Variants in LYSMD2 observed in about 807,000 individuals in gnomAD.
LYSMD2 encodes lysM and putative peptidoglycan-binding domain-containing protein 2.
Under a neutral mutation model 17.7 loss-of-function variants are expected in LYSMD2, and 6 were observed. The ratio of observed to expected loss-of-function variants is 0.34; its 90% CI spans 0.19 to 0.67. The LOEUF is 0.67. Ranked by LOEUF, LYSMD2 falls within the 30% of genes least tolerant of loss-of-function variation. LYSMD2 has a pLI of 0.69. For synonymous variants in LYSMD2, 102 were observed against 129.8 expected, an observed-to-expected ratio of 0.79 and a Z score of 1.45; for missense variants, 237 against 286.7, an observed-to-expected ratio of 0.83 and a Z score of 1.25.
intron 1 of LYSMD2, among the ~76,000 whole-genome samples, chr15:51,730,031 T>A (rs1206266141): frequency 6.6e-6 from 1 of 152,214 alleles, no homozygotes. Context: ...AATGCTTTCA[T>A]TTCAAAAGTC....
At position 51,737,342 on chromosome 15, in the gene LYSMD2, C is replaced by T. The variant is rs1173467811; in HGVS notation, c.273+8G>A. 9 of 1,381,968 alleles carry T rather than the reference C, an allele frequency of 6.5e-6. No individual in the cohort carries two copies. Among genetic ancestry groups the T allele is most frequent in the Non-Finnish European group, 7.5e-6 (8 of 1,068,032 alleles). The allele number at this position is 1,381,968 out of a possible 1,614,324, so 85.6% of individuals were successfully genotyped here. On this transcript the variant is annotated splice_region_variant and intron_variant, in intron 1 of 2. Coordinates refer to ENST00000267838, the MANE Select transcript of LYSMD2 (RefSeq NM_153374.3). The surrounding 1 kb of genome is among the most constrained non-coding windows in gnomAD (Gnocchi z 4.2). ...CCAGCCCGGGCCGCGGCGGCGCGCC[C>T]TGCTCACCGTGACACCGTACTTGAG...
chr15:51,751,309 T>G, exon 1 of LYSMD2: 1 of 702,676 alleles, frequency 1.4e-6, no homozygotes, highest in South Asian at 1.5e-5. Flanking sequence ...GTCAGGATGC[T>G]CGCTCACAGG....
chr15:51,728,809 G>A (rs1198140324), intron 1 of LYSMD2, among the ~76,000 whole-genome samples: 1 of 151,886 alleles, frequency 6.6e-6, no homozygotes, highest in African/African-American at 2.4e-5. Flanking sequence ...GGCAGAGGTT[G>A]CAGTAAGCCG....
chr15:51,731,893 C>G (rs564166081), intron 1 of LYSMD2, among the ~76,000 whole-genome samples: 3 of 152,116 alleles, frequency 2.0e-5, no homozygotes, highest in African/African-American at 7.2e-5. Flanking sequence ...ATCTTAATGT[C>G]TCAGTGGAGA....
At chr15:51,737,809 T>A, upstream of LYSMD2, 2 of 367,770 alleles carry the variant, frequency 5.4e-6, no homozygotes, top group Admixed American at 9.7e-5. This position sits in a 1 kb window ranked among gnomAD's most constrained non-coding sequence, Gnocchi z 4.2. Flanking sequence ...CTCTGCGTCC[T>A]GCCTGCCCCG....
At chr15:51,742,856 C>A (rs1198612309) in intron 1 of LYSMD2, among the ~76,000 whole-genome samples, 1 of 152,148 alleles carries the variant, frequency 6.6e-6, no homozygotes, top group Non-Finnish European at 1.5e-5. Context: ...CAACTACTCA[C>A]AAGGCAGAGA....
chr15:51,726,604 A>C (rs931431460), intron 1 of LYSMD2, among the ~76,000 whole-genome samples: 1 of 152,268 alleles, frequency 6.6e-6, no homozygotes, highest in Admixed American at 6.5e-5. Flanking sequence ...TTTCTGCTGG[A>C]AGGAGATAGG....
upstream of LYSMD2, among the ~76,000 whole-genome samples, chr15:51,741,126 C>T (rs1389256000): frequency 6.6e-6 from 1 of 152,166 alleles, no homozygotes; most frequent in Non-Finnish European, 1.5e-5. Flanking sequence ...ACCCTTATAG[C>T]CATGAAGACT....
Position 51,723,473 on chromosome 15 carries a change from G to T in LYSMD2, c.*134C>A, listed in dbSNP as rs1486638273. ...AATCACTTCAGTGCAACTGCAGCAG[G>T]TAGAACTACCTAGTTATGATTTTAA... On this transcript the variant is annotated 3_prime_UTR_variant, in exon 3 of 3. Coordinates refer to ENST00000267838, the MANE Select transcript of LYSMD2 (RefSeq NM_153374.3). 11 of 736,566 alleles carry T rather than the reference G, an allele frequency of 1.5e-5. No individual in the cohort carries two copies. The highest frequency in any genetic ancestry group is 2.2e-5 in the Non-Finnish European group (9 of 414,112). The allele number at this position is 736,566 out of a possible 1,614,324, so 45.6% of individuals were successfully genotyped here. A position where few individuals can be genotyped will look rare whatever the true frequency, so the allele number is the denominator to read the frequency against.
At position 51,737,365 on chromosome 15, in the gene LYSMD2, G is replaced by A; in HGVS notation, c.258C>T (p.Leu86=). Residue 86 remains leucine (L), a synonymous_variant, in exon 1 of 3, where the codon CTC becomes CTT. Coordinates refer to ENST00000267838, the MANE Select transcript of LYSMD2 (RefSeq NM_153374.3). This position sits in a 1 kb window ranked among gnomAD's most constrained non-coding sequence, Gnocchi z 4.2. ...RAGDTLQGIA[L]KYGVTMEQIK... ...CCCTGCTCACCGTGACACCGTACTTGAGCGCGATGCCCTGCAGCGTGTCGC... is the reference window on the plus strand; with the variant it reads ...CCCTGCTCACCGTGACACCGTACTTAAGCGCGATGCCCTGCAGCGTGTCGC... 1 of 1,447,892 alleles carries A rather than the reference G, an allele frequency of 6.9e-7. No individual in the cohort carries two copies. The highest frequency in any genetic ancestry group is 1.3e-5 in the South Asian group (1 of 75,156). 89.7% of individuals were successfully genotyped at this position (1,447,892 alleles called of 1,614,324 possible).
chr15:51,731,481 C>T (rs895788368), intron 1 of LYSMD2, among the ~76,000 whole-genome samples: 2 of 152,212 alleles, frequency 1.3e-5, no homozygotes, highest in Admixed American at 6.5e-5. Context: ...CACCTTTTCT[C>T]AGCAAGGTAA....
upstream of LYSMD2, among the ~76,000 whole-genome samples, chr15:51,741,993 A>G (rs1046881149): frequency 1.3e-5 from 2 of 150,616 alleles, no homozygotes; most frequent in Non-Finnish European, 3.0e-5. Context: ...TTATGCAACT[A>G]TCACCACTAT....
chr15:51,732,936 T>G (rs1423050635), intron 1 of LYSMD2, among the ~76,000 whole-genome samples: 3 of 152,180 alleles, frequency 2.0e-5, no homozygotes, highest in African/African-American at 2.4e-5. Flanking sequence ...GCAGCCAGAG[T>G]GATCGTTTTA....
At chr15:51,742,746 TC>T (rs1250410460) in intron 1 of LYSMD2, among the ~76,000 whole-genome samples, 19 of 152,084 alleles carry the variant, frequency 1.2e-4, no homozygotes, top group African/African-American at 4.3e-4. Flanking sequence ...TCCCTTGAGG[TC>T]AGGAGTTTGA....
rs1270573812 is a variant in LYSMD2, at chr15:51,737,262, TCCCACC to T, written c.273+82_273+87del. 4.5e-5 allele frequency: 6 copies of T among 134,022 alleles called. No individual in the cohort carries two copies. The highest frequency in any genetic ancestry group is 1.9e-4 in the East Asian group (1 of 5,308). 8.3% of individuals were successfully genotyped at this position (134,022 alleles called of 1,614,324 possible). On this transcript the variant is annotated intron_variant, in intron 1 of 2. Transcript: ENST00000267838. This position sits in a 1 kb window ranked among gnomAD's most constrained non-coding sequence, Gnocchi z 4.2. ...CCATCCCCCAAACCCCCACCCGCAG[TCCCACC>T]CCCACCCCCACCGCACCCCGAGCCG...
At chr15:51,736,469 G>A (rs2055609595) in intron 1 of LYSMD2, among the ~76,000 whole-genome samples, 1 of 152,170 alleles carries the variant, frequency 6.6e-6, no homozygotes, top group South Asian at 2.1e-4. Context: ...CCTTCATACT[G>A]ATGCTCCTTC....
chr15:51,738,840 G>A (rs990233249), upstream of LYSMD2, among the ~76,000 whole-genome samples: 8 of 152,126 alleles, frequency 5.3e-5, no homozygotes, highest in African/African-American at 1.9e-4. Context: ...GGGGACAACA[G>A]CATTACTAAA....
chr15:51,729,114 C>A (rs910766367), intron 1 of LYSMD2, among the ~76,000 whole-genome samples: 1 of 152,202 alleles, frequency 6.6e-6, no homozygotes, highest in Non-Finnish European at 1.5e-5. Flanking sequence ...ACATGCAAAG[C>A]GCCAGGAATA....
At chr15:51,726,987 T>C (rs1437638604) in intron 1 of LYSMD2, among the ~76,000 whole-genome samples, 1 of 152,154 alleles carries the variant, frequency 6.6e-6, no homozygotes, top group Non-Finnish European at 1.5e-5. Flanking sequence ...GGGCAAGAAC[T>C]GGTTATTGCT....
Sources: allele counts gnomAD v4.1 joint callset (sites outside exome capture counted in the v4.1 genomes callset), GRCh38; gene constraint gnomAD v4.1.1; non-coding constraint Gnocchi (gnomAD v3.1); transcripts MANE v1.5; gene names NCBI Gene and HGNC (gene_info 2026-07-23, HGNC 2026-07-21).